DEFA4: variants seen among roughly 807,000 people sequenced by gnomAD.
DEFA4 encodes the protein defensin alpha 4.
A neutral mutation model predicts 4.4 loss-of-function variants in DEFA4; 8 were observed. The observed-to-expected ratio is 1.82, with a 90% CI of 1.07 to 3.29. The LOEUF (loss-of-function observed/expected upper bound fraction) is 3.29. Among genes scored for constraint, DEFA4 ranks in the 30% most tolerant of loss-of-function variants. The pLI, the probability that DEFA4 is intolerant of heterozygous loss-of-function variation, is 0.00. For missense variants in DEFA4, 216 were observed against 127.0 expected (o/e 1.70, Z -3.37); for synonymous variants, 77 against 46.5 (o/e 1.66, Z -2.67).
Position 6,935,987 on chromosome 8 carries a change from T to G in DEFA4, c.*33A>C. ...AAGCTAACACCACCGATGATGGCGTTCCCAGCATGACATTCTCTTGGACAG... is the reference window on the plus strand; with the variant it reads ...AAGCTAACACCACCGATGATGGCGTGCCCAGCATGACATTCTCTTGGACAG... On this transcript the variant is annotated 3_prime_UTR_variant, in exon 3 of 3. Transcript: ENST00000297435. 2 of 1,612,090 alleles carry G rather than the reference T, an allele frequency of 1.2e-6. No individual in the cohort carries two copies. Among genetic ancestry groups the G allele is most frequent in the Non-Finnish European group, 1.7e-6 (2 of 1,178,384 alleles).
At position 6,935,969 on chromosome 8, in the gene DEFA4, C is replaced by G. The variant is rs369532654; in HGVS notation, c.*51G>C. ...CAGCTGCAGAAGCATGTGAAGCTAA[C>G]ACCACCGATGATGGCGTTCCCAGCA... On this transcript the variant is annotated 3_prime_UTR_variant, in exon 3 of 3. Coordinates refer to ENST00000297435, the MANE Select transcript of DEFA4 (RefSeq NM_001925.3). 1.2e-6 allele frequency: 2 copies of G among 1,611,302 alleles called. No individual in the cohort carries two copies. Among genetic ancestry groups the G allele is most frequent in the East Asian group, 4.5e-5 (2 of 44,820 alleles).
In DEFA4 at chr8:6,936,894, C is replaced by G. The variant is rs751084835; in HGVS notation, c.6G>C (p.Arg2Ser). M[R>S]IIALLAAILL... is the part of the protein sequence containing the mutation. ...GAATAGCAGCGAGGAGGGCGATAAT[C>G]CTCATGGCTGGGGTGACCTGGAGGA... The change falls in exon 2 of 3, where the codon AGG becomes AGC. Residue 2 changes from arginine (R) to serine (S), a missense_variant. Transcript: ENST00000297435. 8 of 1,601,900 alleles carry G rather than the reference C, an allele frequency of 5.0e-6. No individual in the cohort carries two copies. The African/African-American group carries it at 8.0e-5, about 16-fold the overall frequency.
rs1808822829 is a variant in DEFA4 at position 6,935,848 on chromosome 8, T to A, written c.*172A>T. The A allele has an allele frequency of 2.5e-6, 2 of 800,572 alleles. No individual in the cohort carries two copies. The highest frequency in any genetic ancestry group is 3.5e-5 in the South Asian group (2 of 57,288). The allele number at this position is 800,572 out of a possible 1,614,324, so 49.6% of individuals were successfully genotyped here. ...CTTGTTACGAGATATATATTTAGGA[T>A]CAAGAAAGATGTTAAGGACAAAGTA... On this transcript the variant is annotated 3_prime_UTR_variant, in exon 3 of 3. Transcript: ENST00000297435.
At chr8:6,937,504 A>C (rs1241207236) in intron 1 of DEFA4, among the ~76,000 whole-genome samples, 1 of 152,106 alleles carries the variant, frequency 6.6e-6, no homozygotes, top group African/African-American at 2.4e-5. Context: ...TCAGTGAGAG[A>C]GATAAAGAGT....
chr8:6,936,661 G>C, intron 2 of DEFA4, 67 bp downstream of exon 2: 2 of 1,432,546 alleles, frequency 1.4e-6, no homozygotes, highest in Non-Finnish European at 1.9e-6. Context: ...ATTGAGATGT[G>C]ATTCCAGAGC....
At chr8:6,937,257 T>C (rs896718766) in intron 1 of DEFA4, among the ~76,000 whole-genome samples, 1 of 152,166 alleles carries the variant, frequency 6.6e-6, no homozygotes, top group Non-Finnish European at 1.5e-5. Context: ...AGTGCTTTCA[T>C]TCAATAATTT....
rs1808844895 is a variant in DEFA4, at chr8:6,936,237, A to C, written c.173-96T>G. The C allele has an allele frequency of 1.0e-4, 155 of 1,529,068 alleles. 3 individuals carry two copies. The South Asian group carries it at 1.7e-3, about 17-fold the overall frequency. The allele number at this position is 1,529,068 out of a possible 1,614,324, so 94.7% of individuals were successfully genotyped here. ...GAAGTCACATGCTGGCTGACCGGTG[A>C]TGCTGGCTGCATTAGTGCCGGTAGC... On this transcript the variant is annotated intron_variant, in intron 2 of 2. Transcript: ENST00000297435.
Position 6,935,991 on chromosome 8 carries a change from A to C in DEFA4, c.*29T>G. ...TAACACCACCGATGATGGCGTTCCCAGCATGACATTCTCTTGGACAGCAGA... is the reference window on the plus strand; with the variant it reads ...TAACACCACCGATGATGGCGTTCCCCGCATGACATTCTCTTGGACAGCAGA... On this transcript the variant is annotated 3_prime_UTR_variant, in exon 3 of 3. Transcript: ENST00000297435. 1 of 1,612,778 alleles carries C rather than the reference A, an allele frequency of 6.2e-7. No homozygotes were observed. The highest frequency in any genetic ancestry group is 8.5e-7 in the Non-Finnish European group (1 of 1,178,928).
Position 6,935,888 on chromosome 8 carries a change from A to G in DEFA4, c.*132T>C, listed in dbSNP as rs1279233766. Reference sequence around the variant, plus strand: ...AGGACAAAGTATAGGAGAAACAACCATTTCCTGTAGCTCTCAAAGCAAATT... The same window carrying G: ...AGGACAAAGTATAGGAGAAACAACCGTTTCCTGTAGCTCTCAAAGCAAATT... On this transcript the variant is annotated 3_prime_UTR_variant, in exon 3 of 3. Coordinates refer to ENST00000297435, the MANE Select transcript of DEFA4 (RefSeq NM_001925.3). 3.2e-6 allele frequency: 4 copies of G among 1,262,024 alleles called. No individual in the cohort carries two copies. The highest frequency in any genetic ancestry group is 3.0e-5 in the African/African-American group (2 of 67,570). 78.2% of individuals were successfully genotyped at this position (1,262,024 alleles called of 1,614,324 possible).
chr8:6,936,032 C>A lies in DEFA4; in HGVS notation c.282G>T (p.Thr94=), dbSNP rs146362624. 1.1e-5 allele frequency: 17 copies of A among 1,613,738 alleles called. No homozygotes were observed. Among genetic ancestry groups the A allele is most frequent in the East Asian group, 2.2e-5 (1 of 44,896 alleles). Residue 94 remains threonine, a synonymous_variant, in exon 3 of 3, where the codon ACG becomes ACT. Transcript: ENST00000297435. ...IGGVSFTYCC[T]RVD ...GGACAGCAGAACGTTAATCGACACG[C>A]GTGCAGCAGTATGTGAAACTCACAC...
chr8:6,936,208 T>C (rs1254448291), intron 2 of DEFA4, 67 bp from the exon 3 acceptor site: 12 of 1,597,098 alleles, frequency 7.5e-6, no homozygotes, highest in Middle Eastern at 1.9e-4. Context: ...AAGGGAATCT[T>C]GGAGAAGTCA....
intron 2 of DEFA4, among the ~76,000 whole-genome samples, chr8:6,936,427 C>T (rs1374785430): frequency 1.3e-5 from 2 of 152,254 alleles, no homozygotes; most frequent in African/African-American, 2.4e-5. Flanking sequence ...CCTTTGTTGG[C>T]AGAATGAAAT....
rs1808826882 is a variant in DEFA4 at position 6,935,955 on chromosome 8, G to T, written c.*65C>A. ...CTATTCTGCAAGCTCAGCTGCAGAA[G>T]CATGTGAAGCTAACACCACCGATGA... On this transcript the variant is annotated 3_prime_UTR_variant, in exon 3 of 3. Coordinates refer to ENST00000297435, the MANE Select transcript of DEFA4 (RefSeq NM_001925.3). 4 of 1,607,696 alleles carry T rather than the reference G, an allele frequency of 2.5e-6. No individual in the cohort carries two copies. In the South Asian group the frequency reaches 4.4e-5, roughly 18 times the overall value.
rs747668151 is a variant in DEFA4, at chr8:6,936,760, G to A, written c.140C>T (p.Ala47Val). The A allele has an allele frequency of 1.9e-6, 3 of 1,611,800 alleles. No individual in the cohort carries two copies. The highest frequency in any genetic ancestry group is 3.3e-5 in the Admixed American group (2 of 59,868). Residue 47 changes from alanine to valine, a missense_variant, in exon 2 of 3, where the codon GCA (alanine) becomes GTA (valine). Ala to Val is a moderately conservative substitution (Grantham distance 64, BLOSUM62 0). Transcript: ENST00000297435. The stretch of plus-strand genomic sequence containing the variant: ...CTGAAGAGCAGAGCTTTTATCCCAT[G>A]CAAAGGAAATAGATATGTCCTGGTC... ...PEDQDISISFAWDKSSALQVS... is the reference protein window; with the variant it reads ...PEDQDISISFVWDKSSALQVS...
chr8:6,937,737 T>G (rs552604353), intron 1 of DEFA4, among the ~76,000 whole-genome samples: 1 of 151,762 alleles, frequency 6.6e-6, no homozygotes, highest in Non-Finnish European at 1.5e-5. Flanking sequence ...AATGGGAAAA[T>G]AGACAAGCGG....
At position 6,936,851 on chromosome 8, in the gene DEFA4, C is replaced by G. The variant is rs764917557; in HGVS notation, c.49G>C (p.Val17Leu). ...CTTGCCTGGAGTGGGCCTGCCCGGA[C>G]CTGGAGGGCTACCAAGAGAATAGCA... ...LAAILLVALQVRAGPLQARGD... is the reference protein window; with the variant it reads ...LAAILLVALQLRAGPLQARGD... Residue 17 changes from valine to leucine, a missense_variant, in exon 2 of 3, where the codon GTC becomes CTC. Coordinates refer to ENST00000297435, the MANE Select transcript of DEFA4 (RefSeq NM_001925.3). 26 of 1,612,562 alleles carry G rather than the reference C, an allele frequency of 1.6e-5. No individual in the cohort carries two copies. Among genetic ancestry groups the G allele is most frequent in the East Asian group, 1.1e-4 (5 of 44,850 alleles).
rs1274437286 is a variant in DEFA4 at position 6,936,021 on chromosome 8, T to C, written c.293A>G (p.Ter98=). 6.2e-7 allele frequency: 1 copy of C among 1,613,834 alleles called. No homozygotes were observed. The highest frequency in any genetic ancestry group is 1.7e-4 in the Middle Eastern group (1 of 6,060). ...GACATTCTCTTGGACAGCAGAACGT[T>C]AATCGACACGCGTGCAGCAGTATGT... ...SFTYCCTRVD[*] Residue 98 remains the stop codon, a stop_retained_variant, in exon 3 of 3, where the codon TAA becomes TGA. Transcript: ENST00000297435.
Position 6,936,809 on chromosome 8 carries a change from C to T in DEFA4, c.91G>A (p.Gly31Ser), listed in dbSNP as rs186044905. ...TCTTCTGGCCCACGCTGCTCCTGGC[C>T]TGGAGCCTCATCACCTCTTGCCTGG... is the stretch of plus-strand genomic sequence containing the variant. ...PLQARGDEAPGQEQRGPEDQD... is the reference protein window; with the variant it reads ...PLQARGDEAPSQEQRGPEDQD... The change falls in exon 2 of 3, where the codon GGC (glycine) becomes AGC (serine). Residue 31 changes from glycine to serine, a missense_variant. Transcript: ENST00000297435. 10 of 1,613,770 alleles carry T rather than the reference C, an allele frequency of 6.2e-6. No individual in the cohort carries two copies. The highest frequency in any genetic ancestry group is 8.5e-6 in the Non-Finnish European group (10 of 1,179,884).
chr8:6,936,353 G>C (rs1177990605), intron 2 of DEFA4, among the ~76,000 whole-genome samples: 1 of 152,134 alleles, frequency 6.6e-6, no homozygotes, highest in Non-Finnish European at 1.5e-5. Context: ...TGATTTGTGT[G>C]CTTTTGCCCC....
Sources: gnomAD v4.1 joint callset for allele counts (sites outside exome capture counted in the v4.1 genomes callset) on GRCh38, gnomAD v4.1.1 for gene constraint, MANE v1.5 for transcripts, NCBI Gene and HGNC (gene_info 2026-07-23, HGNC 2026-07-21) for gene names.